Variants in FAM107B observed in about 807,000 individuals in gnomAD.
FAM107B encodes the protein protein FAM107B.
A neutral mutation model predicts 31.5 loss-of-function variants in FAM107B; 21 were observed. That is an observed-to-expected ratio of 0.67 (90% CI 0.47 to 0.96). The LOEUF (loss-of-function observed/expected upper bound fraction) is 0.96. Ranked by LOEUF, FAM107B falls within the 40% of genes least tolerant of loss-of-function variation. The pLI, the probability that FAM107B is intolerant of heterozygous loss-of-function variation, is 0.00. For synonymous variants in FAM107B, 157 were observed against 141.5 expected, an observed-to-expected ratio of 1.11 and a Z score of -0.78; for missense variants, 452 against 377.1, an observed-to-expected ratio of 1.20 and a Z score of -1.64.
chr10:14,570,955 AAT>A (rs905747771), intron 2 of FAM107B, among the ~76,000 whole-genome samples: 6 of 152,148 alleles, frequency 3.9e-5, no homozygotes, highest in African/African-American at 1.4e-4. Flanking sequence ...GCTAAAATCA[AAT>A]ATGTCTTAGC....
chr10:14,612,258 T>G (rs1564599959), intron 2 of FAM107B, among the ~76,000 whole-genome samples: 1 of 152,262 alleles, frequency 6.6e-6, no homozygotes, highest in Non-Finnish European at 1.5e-5. Flanking sequence ...TTCTTCTATT[T>G]GTTCCACCAA....
chr10:14,704,891 G>A (rs1229659615), intron 1 of FAM107B, among the ~76,000 whole-genome samples: 2 of 151,972 alleles, frequency 1.3e-5, no homozygotes, highest in Non-Finnish European at 2.9e-5. Flanking sequence ...AAGCATGGTG[G>A]TGGGCAACTG....
At chr10:14,593,857 AAT>A (rs1433423133) in intron 2 of FAM107B, among the ~76,000 whole-genome samples, 9 of 152,238 alleles carry the variant, frequency 5.9e-5, no homozygotes, top group African/African-American at 2.2e-4. Flanking sequence ...GAAATCTTCC[AAT>A]ATAGACTATA....
chr10:14,759,181 A>AAAATAAAT (rs60547324), intron 1 of FAM107B, among the ~76,000 whole-genome samples: 15,036 of 144,726 alleles, frequency 0.1, 1,487 homozygotes, highest in African/African-American at 0.26. Context: ...TCTGTCTCAA[A>AAAATAAAT]AAATAAATAA....
At chr10:14,619,258 C>T (rs34513566) in intron 2 of FAM107B, among the ~76,000 whole-genome samples, 56,166 of 151,972 alleles carry the variant, frequency 0.37, 10,972 homozygotes, top group Non-Finnish European at 0.43. Context: ...AGTCGGTGTA[C>T]ATTTCACTTA....
chr10:14,713,431 C>G (rs898720296), intron 1 of FAM107B, among the ~76,000 whole-genome samples: 1 of 152,140 alleles, frequency 6.6e-6, no homozygotes, highest in African/African-American at 2.4e-5. Context: ...CAATCTGTGA[C>G]CCAGGGACAG....
chr10:14,624,077 G>C (rs1303590412), intron 2 of FAM107B, among the ~76,000 whole-genome samples: 3 of 152,038 alleles, frequency 2.0e-5, no homozygotes, highest in African/African-American at 7.3e-5. Context: ...ACCCCTAAAG[G>C]GCTCCTAGCA....
At chr10:14,571,524 A>G (rs899573648) in intron 2 of FAM107B, among the ~76,000 whole-genome samples, 1 of 152,230 alleles carries the variant, frequency 6.6e-6, no homozygotes, top group African/African-American at 2.4e-5. Context: ...CATGGTTGGC[A>G]TCTGAAGAAA....
At chr10:14,527,705 C>A (rs1257580394) in intron 3 of FAM107B, among the ~76,000 whole-genome samples, 1 of 152,166 alleles carries the variant, frequency 6.6e-6, no homozygotes, top group Non-Finnish European at 1.5e-5. Flanking sequence ...TTGTTATAAA[C>A]TACAGAAAAG....
rs533519776 is a variant in FAM107B, at chr10:14,656,144, G to A, written c.469+11490C>T. On this transcript the variant is annotated intron_variant, in intron 2 of 4. Coordinates refer to ENST00000181796, the MANE Select transcript of FAM107B (RefSeq NM_031453.4). ...AAGTCCTTTAATGTCTTTTCAACCT[G>A]TTCTGGCCCCTGTGCTCCTCCTAGA... is the stretch of plus-strand genomic sequence containing the variant. 3.3e-5 allele frequency among the ~76,000 whole-genome samples: 5 copies of A among 152,284 alleles called. No homozygotes were observed. The South Asian group carries it at 1.0e-3, about 32-fold the overall frequency.
At position 14,567,319 on chromosome 10, in the gene FAM107B, A is replaced by C. The variant is rs544561447; in HGVS notation, c.470-36804T>G. On this transcript the variant is annotated intron_variant, in intron 2 of 4. Coordinates refer to ENST00000181796, the MANE Select transcript of FAM107B (RefSeq NM_031453.4). ...GCGGATTTGCAAAGGGGCAGTGGGA[A>C]GGTCAGAGAATGGCCTTCGCACGAC... Among the ~76,000 whole-genome samples the C allele has an allele frequency of 3.9e-5, 6 of 152,294 alleles. No homozygotes were observed. In the East Asian group the frequency reaches 7.7e-4, roughly 20 times the overall value.
At position 14,636,328 on chromosome 10, in the gene FAM107B, A is replaced by T. The variant is rs566460156; in HGVS notation, c.469+31306T>A. On this transcript the variant is annotated intron_variant, in intron 2 of 4. Transcript: ENST00000181796. Reference sequence around the variant, plus strand: ...GATCATGTGAGAGAGAGAGCAAGTGAGAGAGAGAGAGAGAGAAATGTCTAC... The same window carrying T: ...GATCATGTGAGAGAGAGAGCAAGTGTGAGAGAGAGAGAGAGAAATGTCTAC... Among the ~76,000 whole-genome samples, 3 of 148,920 alleles carry T rather than the reference A, an allele frequency of 2.0e-5. No homozygotes were observed. The South Asian group carries it at 6.4e-4, about 32-fold the overall frequency.
intron 2 of FAM107B, among the ~76,000 whole-genome samples, chr10:14,650,040 C>G (rs577872190): frequency 2.5e-4 from 38 of 152,256 alleles, no homozygotes; most frequent in African/African-American, 5.8e-4. Flanking sequence ...CCATAGTATC[C>G]TGTCAATGTC....
intron 1 of FAM107B, among the ~76,000 whole-genome samples, chr10:14,749,035 GAA>G (rs1286710874): frequency 6.6e-6 from 1 of 152,154 alleles, no homozygotes; most frequent in Non-Finnish European, 1.5e-5. Context: ...TTTAAAATAA[GAA>G]AAAGAGCCAG....
chr10:14,744,354 G>A (rs1276936050), intron 1 of FAM107B, among the ~76,000 whole-genome samples: 1 of 152,102 alleles, frequency 6.6e-6, no homozygotes, highest in Non-Finnish European at 1.5e-5. Context: ...TCTCTTGCCT[G>A]ATTGCCCTGA....
intron 1 of FAM107B, among the ~76,000 whole-genome samples, chr10:14,746,645 G>T (rs1832731223): frequency 6.6e-6 from 1 of 152,176 alleles, no homozygotes; most frequent in Non-Finnish European, 1.5e-5. Flanking sequence ...GACTTGTTGG[G>T]TTTCTACTGA....
intron 2 of FAM107B, among the ~76,000 whole-genome samples, chr10:14,530,964 C>G (rs898010552): frequency 2.0e-5 from 3 of 152,202 alleles, no homozygotes; most frequent in African/African-American, 7.2e-5. Flanking sequence ...GGCCTCTTGC[C>G]TATCTTACTG....
chr10:14,771,937 G>A (rs1367735807), intron 1 of FAM107B, among the ~76,000 whole-genome samples: 3 of 152,198 alleles, frequency 2.0e-5, no homozygotes, highest in East Asian at 3.8e-4. Context: ...TTCAGAGGAT[G>A]GACTTTGGAG....
chr10:14,774,391 C>G lies in FAM107B; in HGVS notation c.273G>C (p.Arg91=). 6.2e-7 allele frequency: 1 copy of G among 1,614,236 alleles called. No individual in the cohort carries two copies. Among genetic ancestry groups the G allele is most frequent in the South Asian group, 1.1e-5 (1 of 91,086 alleles). Residue 91 remains arginine, a synonymous_variant, in exon 1 of 5, where the codon CGG becomes CGC. Transcript: ENST00000181796. Reference sequence around the variant, plus strand: ...GGGCCGCAGTGCGGTGACTTGAATTCCGATTCGCACTGCCATTTCTCTCTG... The same window carrying G: ...GGGCCGCAGTGCGGTGACTTGAATTGCGATTCGCACTGCCATTTCTCTCTG... ...THAERNGSAN[R]NSSHRTAAQP... is the part of the protein sequence containing the mutation.
Sources: allele counts gnomAD v4.1 joint callset (sites outside exome capture counted in the v4.1 genomes callset), GRCh38; gene constraint gnomAD v4.1.1; transcripts MANE v1.5; gene names NCBI Gene and HGNC (gene_info 2026-07-23, HGNC 2026-07-21).